The following RAB28 variants were observed in gnomAD, a reference collection of about 807,000 sequenced individuals.
RAB28 encodes RAB28, member RAS oncogene family.
Under a neutral mutation model 31.7 loss-of-function variants are expected in RAB28, and 24 were observed. That is an observed-to-expected ratio of 0.76 (90% confidence interval 0.55 to 1.06). The LOEUF is 1.06. Among genes scored for constraint, RAB28 ranks in the 50% least tolerant of loss-of-function variants. RAB28 has a pLI of 0.00. For missense variants in RAB28, 254 were observed against 258.5 expected (o/e 0.98, Z 0.12); for synonymous variants, 100 against 90.4 (o/e 1.11, Z -0.60).
At chr4:13,370,791 A>C (rs1728686029) in intron 6 of RAB28, 1 of 981,704 alleles carries the variant, frequency 1.0e-6, no homozygotes, top group Non-Finnish European at 1.2e-6. Context: ...AAAAATCACA[A>C]GGTACAATAT....
At chr4:13,420,549 C>T (rs1418720538) in intron 4 of RAB28, among the ~76,000 whole-genome samples, 1 of 152,066 alleles carries the variant, frequency 6.6e-6, no homozygotes, top group East Asian at 1.9e-4. Context: ...CATCAAAAAG[C>T]TTATCCACCA....
chr4:13,393,152 A>C (rs764302129), intron 4 of RAB28, among the ~76,000 whole-genome samples: 2 of 152,242 alleles, frequency 1.3e-5, no homozygotes, highest in Non-Finnish European at 1.5e-5. Context: ...GATCTGTATA[A>C]GACAATCTAT....
intron 4 of RAB28, among the ~76,000 whole-genome samples, chr4:13,431,760 A>C (rs1479827786): frequency 6.6e-6 from 1 of 152,154 alleles, no homozygotes; most frequent in Non-Finnish European, 1.5e-5. Context: ...CACTACAGTA[A>C]TACCCTCAAG....
At chr4:13,396,012 G>A (rs1471461131) in intron 4 of RAB28, among the ~76,000 whole-genome samples, 1 of 151,336 alleles carries the variant, frequency 6.6e-6, no homozygotes, top group Non-Finnish European at 1.5e-5. Flanking sequence ...ACTTGCTGTC[G>A]ATGGAAAAAA....
At chr4:13,481,195 G>A (rs1224815360) in intron 1 of RAB28, among the ~76,000 whole-genome samples, 1 of 151,968 alleles carries the variant, frequency 6.6e-6, no homozygotes, top group Non-Finnish European at 1.5e-5. Context: ...GATTTTGAAA[G>A]CCCTGCTTTC....
At chr4:13,410,798 T>A (rs1001085231) in intron 4 of RAB28, among the ~76,000 whole-genome samples, 2 of 152,098 alleles carry the variant, frequency 1.3e-5, no homozygotes, top group Admixed American at 6.6e-5. Flanking sequence ...CATATTTAAA[T>A]AGGAATAAGT....
rs774440940 is a variant in RAB28 at position 13,474,312 on chromosome 4, T to C, written c.261+6A>G. 1.3e-6 allele frequency: 2 copies of C among 1,553,676 alleles called. No individual in the cohort carries two copies. Among genetic ancestry groups the C allele is most frequent in the Non-Finnish European group, 1.8e-6 (2 of 1,129,528 alleles). On this transcript the variant is annotated splice_donor_region_variant and intron_variant, in intron 3 of 6. Transcript: ENST00000330852. Reference sequence around the variant, plus strand: ...AATACTGGAATAATCAGAATTCATATCATACCTGTGCTCCATAGATATATT... The same window carrying C: ...AATACTGGAATAATCAGAATTCATACCATACCTGTGCTCCATAGATATATT...
rs558890913 is a variant in RAB28 at position 13,433,645 on chromosome 4, T to TAA, written c.391+27052_391+27053dup. Among the ~76,000 whole-genome samples the TAA allele has an allele frequency of 4.8e-3, 728 of 150,946 alleles. 5 individuals are homozygous for TAA. Among genetic ancestry groups the TAA allele is most frequent in the African/African-American group, 0.016 (679 of 41,164 alleles). ...CACCAGTCAGCTATTATTGAAAAGT[T>TAA]AAAAAAAAATAATAGATGCTGGAGA... On this transcript the variant is annotated intron_variant, in intron 4 of 6. Transcript: ENST00000330852.
At chr4:13,379,574 T>C (rs1729051268) in intron 5 of RAB28, among the ~76,000 whole-genome samples, 1 of 152,134 alleles carries the variant, frequency 6.6e-6, no homozygotes, top group African/African-American at 2.4e-5. Context: ...GGTGTTAGGA[T>C]CAATGTCTTG....
chr4:13,442,094 T>C (rs11730438), intron 4 of RAB28, among the ~76,000 whole-genome samples: 8,339 of 152,300 alleles, frequency 0.055, 515 homozygotes, highest in African/African-American at 0.15. Context: ...TAATCTCAAA[T>C]AGTCAATCCT....
At chr4:13,405,861 G>C (rs1311321600) in intron 4 of RAB28, among the ~76,000 whole-genome samples, 1 of 151,964 alleles carries the variant, frequency 6.6e-6, no homozygotes, top group Non-Finnish European at 1.5e-5. Flanking sequence ...ATTTAAGTTT[G>C]CCTTCTGATT....
At chr4:13,380,258 T>G (rs760145966) in intron 5 of RAB28, among the ~76,000 whole-genome samples, 3 of 152,166 alleles carry the variant, frequency 2.0e-5, no homozygotes, top group Non-Finnish European at 4.4e-5. Context: ...TCATATTATT[T>G]ATTTTAGGTG....
At chr4:13,455,210 G>C (rs1172013743) in intron 4 of RAB28, among the ~76,000 whole-genome samples, 1 of 152,180 alleles carries the variant, frequency 6.6e-6, no homozygotes, top group African/African-American at 2.4e-5. Context: ...CCAGTGGGCT[G>C]TTTCTCCGGA....
rs1728559533 is a variant in RAB28, at chr4:13,367,742, T to C, written c.*816A>G. ...AAAGAAGTAATTTAAATAAGTTTAT[T>C]TGTGAAAGAAAAACATCTGAACATC... On this transcript the variant is annotated 3_prime_UTR_variant, in exon 7 of 7. Coordinates refer to ENST00000330852, the MANE Select transcript of RAB28 (RefSeq NM_001017979.3). 1 of 983,606 alleles carries C rather than the reference T, an allele frequency of 1.0e-6. No individual in the cohort carries two copies. The highest frequency in any genetic ancestry group is 1.7e-5 in the African/African-American group (1 of 57,166). The allele number at this position is 983,606 out of a possible 1,614,324, so 60.9% of individuals were successfully genotyped here.
intron 4 of RAB28, among the ~76,000 whole-genome samples, chr4:13,460,134 C>T (rs1715517854): frequency 6.6e-6 from 1 of 152,224 alleles, no homozygotes; most frequent in Non-Finnish European, 1.5e-5. Flanking sequence ...ATTAAAACTA[C>T]AGGATAGGCA....
rs1050264391 is a variant in RAB28 at position 13,472,200 on chromosome 4, T to C, written c.261+2118A>G. 3.3e-5 allele frequency among the ~76,000 whole-genome samples: 5 copies of C among 152,042 alleles called. 1 individual carries two copies. The East Asian group carries it at 7.7e-4, about 24-fold the overall frequency. On this transcript the variant is annotated intron_variant, in intron 3 of 6. Coordinates refer to ENST00000330852, the MANE Select transcript of RAB28 (RefSeq NM_001017979.3). ...GTGTCACTTGCCATCTGGACTGAAG[T>C]GCAGTAGTGTGATCATAGCTCACTG...
intron 4 of RAB28, among the ~76,000 whole-genome samples, chr4:13,458,972 A>G (rs1055934053): frequency 6.6e-6 from 1 of 152,202 alleles, no homozygotes; most frequent in Non-Finnish European, 1.5e-5. Context: ...GGAGATTAAC[A>G]TTTGAGTCAG....
chr4:13,423,767 A>G (rs1713311398), intron 4 of RAB28, among the ~76,000 whole-genome samples: 1 of 152,164 alleles, frequency 6.6e-6, no homozygotes, highest in Non-Finnish European at 1.5e-5. Flanking sequence ...TGTTCACTGT[A>G]AAAGTCTTCC....
intron 4 of RAB28, among the ~76,000 whole-genome samples, chr4:13,398,083 T>C (rs1345303569): frequency 2.0e-5 from 3 of 152,122 alleles, no homozygotes; most frequent in Non-Finnish European, 2.9e-5. Context: ...TAATGGATAA[T>C]GCATAACTAT....
Sources: allele counts gnomAD v4.1 joint callset (sites outside exome capture counted in the v4.1 genomes callset), GRCh38; gene constraint gnomAD v4.1.1; transcripts MANE v1.5; gene names NCBI Gene and HGNC (gene_info 2026-07-23, HGNC 2026-07-21).